The following TTN variants were observed in gnomAD, a reference collection of about 807,000 sequenced individuals.
The protein encoded by TTN is connectin.
In TTN, 1,525 loss-of-function variants were observed where a neutral mutation model predicts 3,223.0. That is an observed-to-expected ratio of 0.47 (90% CI 0.45 to 0.49). The LOEUF (loss-of-function observed/expected upper bound fraction) is 0.49. Among genes scored for constraint, TTN ranks in the 20% least tolerant of loss-of-function variants. The pLI is 0.00. For missense variants in TTN, 40,786 were observed against 43,424.0 expected (o/e 0.94, Z 5.40); for synonymous variants, 14,094 against 15,161.0 (o/e 0.93, Z 5.17).
At position 178,731,412 on chromosome 2, in the gene TTN, G is replaced by T. The variant is rs1193275554; in HGVS notation, c.17354C>A (p.Ala5785Asp). Reference protein sequence around the residue: ...NIRMTFENNVASLYLSGIEVK... With the variant: ...NIRMTFENNVDSLYLSGIEVK... ...TTCAATGCCACTGAGGTACAAACTG[G>T]CCACATTGTTCTCAAAGGTCATTCT... The change falls in exon 59 of 363, where the codon GCC becomes GAC. Residue 5785 changes from alanine to aspartate, a missense_variant. Ala to Asp is a moderately radical substitution (Grantham distance 126). Coordinates refer to ENST00000589042, the MANE Select transcript of TTN (RefSeq NM_001267550.2). The T allele has an allele frequency of 6.2e-7, 1 of 1,613,718 alleles. No homozygotes were observed. The highest frequency in any genetic ancestry group is 1.7e-5 in the Admixed American group (1 of 59,978).
intron 123 of TTN, 30 bp downstream of exon 123, chr2:178,689,477 GAAAGACAA>G (rs1157220813): frequency 1.4e-5 from 23 of 1,602,134 alleles, no homozygotes; most frequent in Non-Finnish European, 2.0e-5. Flanking sequence ...AGGCTTGAAG[GAAAGACAA>G]GGTTATTTCA....
Position 178,652,252 on chromosome 2 carries a change from G to A in TTN, c.39211+12C>T, listed in dbSNP as rs2063140900. 4.3e-6 allele frequency: 7 copies of A among 1,613,482 alleles called. No individual in the cohort carries two copies. The highest frequency in any genetic ancestry group is 5.9e-6 in the Non-Finnish European group (7 of 1,179,688). The stretch of plus-strand genomic sequence containing the variant: ...CAAACAATATCAAACACAGCACCAT[G>A]AGGGTGTCTACCTTTTGTGGGTGGC... On this transcript the variant is annotated intron_variant, in intron 203 of 362. Coordinates refer to ENST00000589042, the MANE Select transcript of TTN (RefSeq NM_001267550.2).
At position 178,552,841 on chromosome 2, in the gene TTN, T is replaced by C. The variant is rs1320043628; in HGVS notation, c.90059A>G (p.Glu30020Gly). The C allele has an allele frequency of 1.9e-6, 3 of 1,613,858 alleles. No individual in the cohort carries two copies. Among genetic ancestry groups the C allele is most frequent in the South Asian group, 2.2e-5 (2 of 91,080 alleles). Reference protein sequence around the residue: ...ENEIGIGEPCETTEPVKAAEV... With the variant: ...ENEIGIGEPCGTTEPVKAAEV... Reference sequence around the variant, plus strand: ...AGCAGCCTTCACTGGCTCTGTAGTTTCACAGGGTTCCCCAATTCCAATTTC... The same window carrying C: ...AGCAGCCTTCACTGGCTCTGTAGTTCCACAGGGTTCCCCAATTCCAATTTC... Residue 30020 changes from glutamate (E) to glycine (G), a missense_variant, in exon 335 of 363, where the codon GAA becomes GGA. Physicochemically the swap from Glu to Gly is moderately conservative, Grantham distance 98. Coordinates refer to ENST00000589042, the MANE Select transcript of TTN (RefSeq NM_001267550.2).
chr2:178,635,405 AACTTATAATTTGAATAAAAGGT>A lies in TTN; in HGVS notation c.41884+13_41884+34del, dbSNP rs1559982358. On this transcript the variant is annotated intron_variant, in intron 227 of 362. Transcript: ENST00000589042. Reference sequence around the variant, plus strand: ...GTTATTTGGCTTTACACATACGCAAAACTTATAATTTGAATAAAAGGTAAGATTTTATACCTCCAAGTGTCAG... The same window carrying A: ...GTTATTTGGCTTTACACATACGCAAAAAGATTTTATACCTCCAAGTGTCAG... 6 of 1,603,304 alleles carry A rather than the reference AACTTATAATTTGAATAAAAGGT, an allele frequency of 3.7e-6. No individual in the cohort carries two copies. In the Admixed American group the frequency reaches 6.9e-5, roughly 19 times the overall value.
At chr2:178,785,144 G>A (rs6733291) in intron 15 of TTN, among the ~76,000 whole-genome samples, 48,242 of 151,914 alleles carry the variant, frequency 0.32, 8,688 homozygotes, top group Middle Eastern at 0.43. Flanking sequence ...AATCCAACCC[G>A]ACCACCATAC....
rs755031142 is a variant in TTN at position 178,539,177 on chromosome 2, G to A, written c.98758C>T (p.Arg32920Trp). The stretch of plus-strand genomic sequence containing the variant: ...CTAGAACCACCATCATCTTTGGGCC[G>A]GGACCAGGACAAGCTAACAGAACTC... ...TKSSVSLSWS[R>W]PKDDGGSRVT... The change falls in exon 353 of 363, where the codon CGG (arginine) becomes TGG (tryptophan). Residue 32920 changes from arginine (R) to tryptophan (W), a missense_variant. Physicochemically the swap from Arg to Trp is moderately radical, Grantham distance 101. Transcript: ENST00000589042. The A allele has an allele frequency of 5.6e-6, 9 of 1,613,758 alleles. No individual in the cohort carries two copies. Among genetic ancestry groups the A allele is most frequent in the Admixed American group, 5.0e-5 (3 of 60,002 alleles).
intron 2 of TTN, 135 bp downstream of exon 2, chr2:178,804,417 A>T (rs2094214588): frequency 2.6e-6 from 2 of 782,816 alleles, no homozygotes; most frequent in African/African-American, 1.7e-5. Context: ...CCTTAAAATG[A>T]CCTTTCCATA....
chr2:178,784,268 C>A lies in TTN; in HGVS notation c.2577G>T (p.Val859=). The A allele has an allele frequency of 6.2e-7, 1 of 1,614,128 alleles. No homozygotes were observed. The highest frequency in any genetic ancestry group is 1.1e-5 in the South Asian group (1 of 91,078). Residue 859 remains valine, a synonymous_variant, in exon 16 of 363, where the codon GTG becomes GTT. Coordinates refer to ENST00000589042, the MANE Select transcript of TTN (RefSeq NM_001267550.2). ...TSSAQKITKS[V]KAPTVKPSET... ...CACTGGGCTTCACAGTAGGAGCCTTCACCGATTTGGTGATCTTCTGAGCAG... is the reference window on the plus strand; with the variant it reads ...CACTGGGCTTCACAGTAGGAGCCTTAACCGATTTGGTGATCTTCTGAGCAG...
chr2:178,674,414 A>T lies in TTN; in HGVS notation c.34613-5T>A. 2 of 1,459,530 alleles carry T rather than the reference A, an allele frequency of 1.4e-6. No homozygotes were observed. Among genetic ancestry groups the T allele is most frequent in the South Asian group, 2.7e-5 (2 of 73,376 alleles). The allele number at this position is 1,459,530 out of a possible 1,614,324, so 90.4% of individuals were successfully genotyped here. A position where few individuals can be genotyped will look rare whatever the true frequency, so the allele number is the denominator to read the frequency against. ...CTTCTTCAGGCTCCTCAGTCACTTT[A>T]AAAAGATTATTATTTTGTAAATTAT... On this transcript the variant is annotated splice_region_variant and splice_polypyrimidine_tract_variant and intron_variant, in intron 150 of 362. Transcript: ENST00000589042.
At chr2:178,675,860 T>C in intron 148 of TTN, 61 bp downstream of exon 148, 2 of 1,557,704 alleles carry the variant, frequency 1.3e-6, no homozygotes, top group South Asian at 2.4e-5. Flanking sequence ...ACAGGACATT[T>C]TGACTTTTAT....
intron 8 of TTN, among the ~76,000 whole-genome samples, chr2:178,793,857 G>A (rs1339010592): frequency 1.3e-5 from 2 of 152,154 alleles, no homozygotes; most frequent in Non-Finnish European, 2.9e-5. Flanking sequence ...TGTCACACAA[G>A]AGGATAAGGA....
chr2:178,646,901 A>C (rs1223979104), intron 215 of TTN, among the ~76,000 whole-genome samples, 163 bp downstream of exon 215: 1 of 152,002 alleles, frequency 6.6e-6, no homozygotes, highest in East Asian at 1.9e-4. Context: ...TAAAGATTCT[A>C]ACTTAAAAGA....
Position 178,680,026 on chromosome 2 carries a change from C to G in TTN, c.33448G>C (p.Glu11150Gln). 6.2e-7 allele frequency: 1 copy of G among 1,613,218 alleles called. No homozygotes were observed. Among genetic ancestry groups the G allele is most frequent in the Non-Finnish European group, 8.5e-7 (1 of 1,179,442 alleles). ...VPEVPKELEPEEVAFEEEVVT... is the reference protein window; with the variant it reads ...VPEVPKELEPQEVAFEEEVVT... ...ACTTCCTCTTCAAAGGCAACCTCTT[C>G]TGGTTCAAGTTCTTTAGGCACTTCT... Residue 11150 changes from glutamate to glutamine, a missense_variant, in exon 140 of 363, where the codon GAA becomes CAA. By Grantham distance (29) the Glu-to-Gln change is conservative. Coordinates refer to ENST00000589042, the MANE Select transcript of TTN (RefSeq NM_001267550.2).
intron 312 of TTN, 27 bp from the exon 313 acceptor site, chr2:178,583,254 A>G (rs2048179927): frequency 5.3e-6 from 8 of 1,521,124 alleles, no homozygotes; most frequent in Non-Finnish European, 6.2e-6. Flanking sequence ...TAAAGGACTT[A>G]ATGTATGCAA....
At position 178,650,267 on chromosome 2, in the gene TTN, A is replaced by G. The variant is rs755047442; in HGVS notation, c.39714T>C (p.Tyr13238=). 6.4e-7 allele frequency: 1 copy of G among 1,570,776 alleles called. No homozygotes were observed. The highest frequency in any genetic ancestry group is 1.7e-4 in the Middle Eastern group (1 of 5,966). ...CAGGAGCAATTTCCTCAGGTTCTTCATATACTTTAAAGATATTAGTTAATT... is the reference window on the plus strand; with the variant it reads ...CAGGAGCAATTTCCTCAGGTTCTTCGTATACTTTAAAGATATTAGTTAATT... ...ERAESPPPEV[Y]EEPEEIAPEE... Residue 13238 remains tyrosine, a synonymous_variant, in exon 210 of 363, where the codon TAT becomes TAC. Coordinates refer to ENST00000589042, the MANE Select transcript of TTN (RefSeq NM_001267550.2).
At chr2:178,691,546 T>G (rs2072447690) in intron 121 of TTN, among the ~76,000 whole-genome samples, 1 of 152,220 alleles carries the variant, frequency 6.6e-6, no homozygotes, top group Admixed American at 6.5e-5. Context: ...TATTGACTTT[T>G]AAGAAGCGTG....
Position 178,693,902 on chromosome 2 carries a change from C to T in TTN, c.31513+20G>A. On this transcript the variant is annotated intron_variant, in intron 118 of 362. Transcript: ENST00000589042. ...TAAAACCCTTCCATTTGAGCCCCCACATTCCAGTTTGCCTTATACCTGTGA... is the reference window on the plus strand; with the variant it reads ...TAAAACCCTTCCATTTGAGCCCCCATATTCCAGTTTGCCTTATACCTGTGA... 2.5e-6 allele frequency: 4 copies of T among 1,607,040 alleles called. No individual in the cohort carries two copies. Among genetic ancestry groups the T allele is most frequent in the Non-Finnish European group, 3.4e-6 (4 of 1,174,550 alleles).
At chr2:178,747,118 T>A in intron 47 of TTN, 2 of 1,605,434 alleles carry the variant, frequency 1.2e-6, no homozygotes, top group African/African-American at 1.4e-5. Context: ...GTGTGGAGTA[T>A]CTCTCCAGAG....
chr2:178,667,368 A>G, intron 161 of TTN, 49 bp from the exon 162 acceptor site: 1 of 1,571,098 alleles, frequency 6.4e-7, no homozygotes, highest in Non-Finnish European at 8.7e-7. Context: ...AAAACAGTAA[A>G]TTATAAAAAG....
Sources: gnomAD v4.1 joint callset for allele counts (sites outside exome capture counted in the v4.1 genomes callset) on GRCh38, gnomAD v4.1.1 for gene constraint, MANE v1.5 for transcripts, NCBI Gene and HGNC (gene_info 2026-07-23, HGNC 2026-07-21) for gene names.